The following PCDHGB4 variants were observed in gnomAD, a reference collection of about 807,000 sequenced individuals.
The protein encoded by PCDHGB4 is protocadherin gamma subfamily B, 4.
A neutral mutation model predicts 60.5 loss-of-function variants in PCDHGB4; 38 were observed. The ratio of observed to expected loss-of-function variants is 0.63; its 90% CI spans 0.48 to 0.82. PCDHGB4 has a LOEUF of 0.82. Among genes scored for constraint, PCDHGB4 ranks in the 40% least tolerant of loss-of-function variants. PCDHGB4 has a pLI of 0.00. For missense variants in PCDHGB4, 1,109 were observed against 1,209.6 expected, an observed-to-expected ratio of 0.92 and a Z score of 1.23; for synonymous variants, 456 against 509.7, an observed-to-expected ratio of 0.89 and a Z score of 1.42.
In PCDHGB4 at chr5:141,476,877, T is replaced by C. The variant is rs2099400648; in HGVS notation, c.2398-17930T>C. ...CAGTCCTTGTACCGGGCGCGCGTCC[T>C]GGAGGATGCACCCTCCGGCACGCGC... On this transcript the variant is annotated intron_variant, in intron 1 of 3. Transcript: ENST00000519479. This position sits in a 1 kb window ranked among gnomAD's most constrained non-coding sequence, Gnocchi z 7.6. 4.3e-6 allele frequency: 7 copies of C among 1,613,954 alleles called. No homozygotes were observed. The highest frequency in any genetic ancestry group is 5.9e-6 in the Non-Finnish European group (7 of 1,180,038).
chr5:141,418,840 C>A, intron 1 of PCDHGB4: 1 of 1,614,006 alleles, frequency 6.2e-7, no homozygotes, highest in Non-Finnish European at 8.5e-7. Context: ...GAGGATCTCT[C>A]TCAACACGGT....
intron 1 of PCDHGB4, among the ~76,000 whole-genome samples, chr5:141,462,086 A>G (rs993185274): frequency 6.6e-6 from 1 of 151,408 alleles, no homozygotes; most frequent in Non-Finnish European, 1.5e-5. Flanking sequence ...GCCTCCCAAA[A>G]TGCTGGGATT....
chr5:141,394,178 C>T (rs1180220826), intron 1 of PCDHGB4: 2 of 1,613,812 alleles, frequency 1.2e-6, no homozygotes, highest in South Asian at 2.2e-5. Flanking sequence ...TCCCTCATGC[C>T]TCCTACTCAG....
intron 1 of PCDHGB4, chr5:141,410,847 GTCT>G: frequency 6.3e-6 from 1 of 158,248 alleles, no homozygotes. Context: ...TTTTGTCTTT[GTCT>G]TTTTTTTTTT....
chr5:141,493,179 T>C lies in PCDHGB4; in HGVS notation c.2398-1628T>C, dbSNP rs1208502829. 6.6e-6 allele frequency among the ~76,000 whole-genome samples: 1 copy of C among 152,230 alleles called. No homozygotes were observed. Among genetic ancestry groups the C allele is most frequent in the Non-Finnish European group, 1.5e-5 (1 of 68,040 alleles). On this transcript the variant is annotated intron_variant, in intron 1 of 3. Coordinates refer to ENST00000519479, the MANE Select transcript of PCDHGB4 (RefSeq NM_003736.4). This position sits in a 1 kb window ranked among gnomAD's most constrained non-coding sequence, Gnocchi z 4.3. ...TGATAGCTGATTGAGAGAAACTTAC[T>C]ATATAACTCCTTTGAGAACCTCATC...
chr5:141,403,121 C>A, intron 1 of PCDHGB4: 1 of 1,614,046 alleles, frequency 6.2e-7, no homozygotes, highest in Middle Eastern at 1.6e-4. Context: ...TCTGGAGCCC[C>A]GGGAGCTGGC....
chr5:141,472,980 C>CAAAAAAAAAAAAAAAAAGAAAAAAAAA (rs2099309731), intron 1 of PCDHGB4, among the ~76,000 whole-genome samples: 1 of 86,106 alleles, frequency 1.2e-5, no homozygotes, highest in Non-Finnish European at 2.5e-5. Flanking sequence ...GAGTGAAACT[C>CAAAAAAAAAAAAAAAAAGAAAAAAAAA]AAAAAAAAAA....
Position 141,432,812 on chromosome 5 carries a change from G to A in PCDHGB4, c.2397+42531G>A, listed in dbSNP as rs753429933. ...CAGCCTCGAGTCTCCAGCTAACTCT[G>A]AAACCTCAGACCTCACTCTGTACCT... On this transcript the variant is annotated intron_variant, in intron 1 of 3. Coordinates refer to ENST00000519479, the MANE Select transcript of PCDHGB4 (RefSeq NM_003736.4). This position sits in a 1 kb window ranked among gnomAD's most constrained non-coding sequence, Gnocchi z 6.0. 1.2e-6 allele frequency: 2 copies of A among 1,614,176 alleles called. No homozygotes were observed. Among genetic ancestry groups the A allele is most frequent in the Non-Finnish European group, 1.7e-6 (2 of 1,180,014 alleles).
chr5:141,462,183 C>A (rs1439465872), intron 1 of PCDHGB4, among the ~76,000 whole-genome samples: 1 of 152,158 alleles, frequency 6.6e-6, no homozygotes. Flanking sequence ...TGGTCTTGAA[C>A]TCCTGACCTC....
intron 1 of PCDHGB4, among the ~76,000 whole-genome samples, chr5:141,458,664 G>A (rs544369246): frequency 6.6e-6 from 1 of 152,196 alleles, no homozygotes; most frequent in African/African-American, 2.4e-5. Context: ...CCACCTCTCG[G>A]GTTCAAGCAA....
chr5:141,488,939 T>C (rs1229571704), intron 1 of PCDHGB4, among the ~76,000 whole-genome samples: 1 of 152,114 alleles, frequency 6.6e-6, no homozygotes, highest in Non-Finnish European at 1.5e-5. Context: ...GGAAACTCCA[T>C]AATTGGTTGA....
chr5:141,496,888 T>TAAA (rs35063790), intron 2 of PCDHGB4, among the ~76,000 whole-genome samples: 5 of 134,118 alleles, frequency 3.7e-5, no homozygotes, highest in East Asian at 4.4e-4. Context: ...AAGTAACACT[T>TAAA]AAAAAAAAAA....
intron 1 of PCDHGB4, chr5:141,397,927 G>C: frequency 1.3e-6 from 1 of 764,054 alleles, no homozygotes. Flanking sequence ...TCCTCGCGCA[G>C]CCGCAGCGCG....
chr5:141,421,222 C>G, intron 1 of PCDHGB4: 2 of 1,576,946 alleles, frequency 1.3e-6, no homozygotes, highest in Non-Finnish European at 1.7e-6. Flanking sequence ...CGGCTTAGAG[C>G]CTGCCATGGC....
chr5:141,398,383 G>C, intron 1 of PCDHGB4: 4 of 1,451,918 alleles, frequency 2.8e-6, no homozygotes, highest in Non-Finnish European at 2.9e-6. Context: ...GGAGTTGCTT[G>C]TGAGCAGCAG....
intron 1 of PCDHGB4, chr5:141,395,097 G>C (rs376460647): frequency 1.9e-6 from 3 of 1,614,158 alleles, no homozygotes; most frequent in Non-Finnish European, 2.5e-6. Flanking sequence ...CCTCACCGCC[G>C]ACTCGCGGAA....
At chr5:141,497,771 C>T (rs2099779314) in intron 2 of PCDHGB4, among the ~76,000 whole-genome samples, 1 of 152,154 alleles carries the variant, frequency 6.6e-6, no homozygotes, top group Non-Finnish European at 1.5e-5. Context: ...ACTCCCCGAC[C>T]TCAACTGATC....
rs1245735294 is a variant in PCDHGB4, at chr5:141,397,953, C to T, written c.2397+7672C>T. 6.2e-6 allele frequency: 6 copies of T among 961,992 alleles called. No homozygotes were observed. In the Admixed American group the frequency reaches 1.2e-4, roughly 19 times the overall value. The allele number at this position is 961,992 out of a possible 1,614,324, so 59.6% of individuals were successfully genotyped here. ...CCGCAGCGCGCTTTCCAGGGCAGCC[C>T]CAGCTCAGACTCCCCAGCGCCGGCC... On this transcript the variant is annotated intron_variant, in intron 1 of 3. Transcript: ENST00000519479.
At chr5:141,422,888 T>C in intron 1 of PCDHGB4, 2 of 1,614,262 alleles carry the variant, frequency 1.2e-6, no homozygotes, top group South Asian at 2.2e-5. Flanking sequence ...CTGTTCGTGC[T>C]GGACCAGAAC....
Sources: gnomAD v4.1 joint callset for allele counts (sites outside exome capture counted in the v4.1 genomes callset) on GRCh38, gnomAD v4.1.1 for gene constraint, Gnocchi (gnomAD v3.1) non-coding constraint, MANE v1.5 for transcripts, NCBI Gene and HGNC (gene_info 2026-07-23, HGNC 2026-07-21) for gene names.